NTM: variants seen among roughly 807,000 people sequenced by gnomAD.
The protein encoded by NTM is neurotrimin.
In NTM, 13 loss-of-function variants were observed where a neutral mutation model predicts 42.1. That is an observed-to-expected ratio of 0.31 (90% confidence interval 0.20 to 0.49). The LOEUF is 0.49. NTM is among the 20% of genes least tolerant of loss of function. The probability of loss-of-function intolerance (pLI) is 0.99; values close to 1 mark genes in which losing one functional copy is unlikely to be tolerated. For synonymous variants in NTM, 187 were observed against 179.2 expected, an observed-to-expected ratio of 1.04 and a Z score of -0.35; for missense variants, 373 against 452.8, an observed-to-expected ratio of 0.82 and a Z score of 1.60.
At chr11:131,827,340 T>C (rs1319212624) in intron 1 of NTM, among the ~76,000 whole-genome samples, 1 of 152,166 alleles carries the variant, frequency 6.6e-6, no homozygotes, top group African/African-American at 2.4e-5. Flanking sequence ...ATGTGAATAG[T>C]TGGAGACCAA....
intron 2 of NTM, among the ~76,000 whole-genome samples, chr11:131,984,315 T>C (rs889832486): frequency 2.0e-5 from 3 of 152,200 alleles, no homozygotes; most frequent in African/African-American, 7.2e-5. Flanking sequence ...CAAAGTCCTT[T>C]TAAATGGGGT....
chr11:131,917,060 A>C (rs2056513076), intron 2 of NTM, among the ~76,000 whole-genome samples: 1 of 152,190 alleles, frequency 6.6e-6, no homozygotes, highest in Non-Finnish European at 1.5e-5. Context: ...TTTTCTTCAG[A>C]ACAATCATCT....
At chr11:131,424,281 C>T (rs1327642082) in intron 1 of NTM, among the ~76,000 whole-genome samples, 1 of 152,016 alleles carries the variant, frequency 6.6e-6, no homozygotes, top group African/African-American at 2.4e-5. Flanking sequence ...CTATGTCCTG[C>T]TAAGGTATTT....
At chr11:131,519,359 C>A (rs1306705866) in intron 1 of NTM, among the ~76,000 whole-genome samples, 4 of 151,570 alleles carry the variant, frequency 2.6e-5, no homozygotes, top group African/African-American at 7.3e-5. Context: ...TGGGTTAGCA[C>A]CTGAGAGGTG....
At chr11:131,935,231 T>C (rs1288378360) in intron 2 of NTM, among the ~76,000 whole-genome samples, 1 of 152,170 alleles carries the variant, frequency 6.6e-6, no homozygotes, top group Non-Finnish European at 1.5e-5. Flanking sequence ...GTTATTGGGG[T>C]ATTTACATAA....
At chr11:132,098,681 C>T (rs1021976296) in intron 2 of NTM, among the ~76,000 whole-genome samples, 6 of 152,236 alleles carry the variant, frequency 3.9e-5, no homozygotes, top group Non-Finnish European at 7.3e-5. Flanking sequence ...AACTTGCCCC[C>T]GTAGGCAAAT....
intron 1 of NTM, among the ~76,000 whole-genome samples, chr11:131,542,991 T>C (rs745727937): frequency 2.6e-5 from 4 of 152,228 alleles, no homozygotes; most frequent in Admixed American, 6.5e-5. Context: ...AACATGTCCC[T>C]GGTGCCCCTT....
At chr11:131,379,427 C>G (rs140232128) in intron 1 of NTM, among the ~76,000 whole-genome samples, 6 of 152,290 alleles carry the variant, frequency 3.9e-5, no homozygotes, top group Admixed American at 6.5e-5. Flanking sequence ...GTGATTATAA[C>G]GTAGCGGCTC....
intron 4 of NTM, among the ~76,000 whole-genome samples, chr11:132,258,595 T>G (rs1266707596): frequency 6.6e-6 from 1 of 152,160 alleles, no homozygotes; most frequent in East Asian, 1.9e-4. Context: ...ATGTATTTCT[T>G]GAGAGTTTGG....
At chr11:132,116,081 G>T (rs1000580286) in intron 2 of NTM, among the ~76,000 whole-genome samples, 1 of 152,146 alleles carries the variant, frequency 6.6e-6, no homozygotes, top group Non-Finnish European at 1.5e-5. Flanking sequence ...ATTAGGCACC[G>T]TATCAGTCAG....
At chr11:131,726,659 G>C (rs1202096796) in intron 1 of NTM, among the ~76,000 whole-genome samples, 2 of 151,156 alleles carry the variant, frequency 1.3e-5, no homozygotes, top group African/African-American at 4.9e-5. Context: ...TCAGTTTCCT[G>C]CCTTGTAAAT....
chr11:131,434,330 A>G (rs1948940099), intron 1 of NTM, among the ~76,000 whole-genome samples: 2 of 152,210 alleles, frequency 1.3e-5, no homozygotes, highest in Admixed American at 6.5e-5. Flanking sequence ...GTCAAATGGT[A>G]TTTCTAGTTC....
chr11:131,925,224 AG>A (rs1303988149), intron 2 of NTM, among the ~76,000 whole-genome samples: 16 of 152,270 alleles, frequency 1.1e-4, no homozygotes, highest in Non-Finnish European at 2.1e-4. Flanking sequence ...TCACTTATTT[AG>A]TTTAACCTTT....
intron 1 of NTM, among the ~76,000 whole-genome samples, chr11:131,447,657 ACAC>A (rs1340545270): frequency 2.0e-5 from 3 of 152,162 alleles, no homozygotes; most frequent in Non-Finnish European, 4.4e-5. Context: ...CCATGCCTTG[ACAC>A]CACAATTATT....
chr11:131,794,443 T>A (rs994820167), intron 1 of NTM: 1 of 981,392 alleles, frequency 1.0e-6, no homozygotes, highest in African/African-American at 1.7e-5. Flanking sequence ...GCGAATGCTG[T>A]CACATGAGGC....
intron 2 of NTM, among the ~76,000 whole-genome samples, chr11:132,039,384 G>T (rs1455116512): frequency 6.7e-6 from 1 of 149,810 alleles, no homozygotes; most frequent in Non-Finnish European, 1.5e-5. Context: ...AAAGATCTCA[G>T]CCTGAGTCTG....
chr11:132,220,976 C>T (rs1017660383), intron 4 of NTM, among the ~76,000 whole-genome samples: 4 of 152,156 alleles, frequency 2.6e-5, no homozygotes, highest in Non-Finnish European at 5.9e-5. Flanking sequence ...TCCCACCGCC[C>T]ATCACAACCA....
intron 2 of NTM, among the ~76,000 whole-genome samples, chr11:132,086,797 G>T (rs1241454497): frequency 2.0e-5 from 3 of 152,222 alleles, no homozygotes; most frequent in Admixed American, 1.3e-4. Flanking sequence ...TTGTCAGTGT[G>T]TCAGGCTTCT....
At chr11:132,029,048 G>T (rs1260124411) in intron 2 of NTM, among the ~76,000 whole-genome samples, 1 of 115,182 alleles carries the variant, frequency 8.7e-6, no homozygotes, top group African/African-American at 3.6e-5. Flanking sequence ...GGGTTGTATG[G>T]TTGGTTGGTG....
Sources: allele counts gnomAD v4.1 joint callset (sites outside exome capture counted in the v4.1 genomes callset), GRCh38; gene constraint gnomAD v4.1.1; transcripts MANE v1.5; gene names NCBI Gene and HGNC (gene_info 2026-07-23, HGNC 2026-07-21).